Variants in TMEM132D observed in about 807,000 individuals in gnomAD.
TMEM132D encodes the protein transmembrane protein 132D, also known as mature OL transmembrane protein.
TMEM132D carries 21 observed loss-of-function variants against 62.3 expected under a neutral mutation model. The observed-to-expected ratio is 0.34, with a 90% CI of 0.24 to 0.49. The LOEUF (loss-of-function observed/expected upper bound fraction) is 0.49, where lower values mean the gene tolerates loss of function less well. TMEM132D is among the 20% of genes least tolerant of loss of function. The pLI is 0.99. For synonymous variants in TMEM132D, 621 were observed against 575.6 expected, an observed-to-expected ratio of 1.08 and a Z score of -1.13; for missense variants, 1,346 against 1,402.8, an observed-to-expected ratio of 0.96 and a Z score of 0.65.
intron 2 of TMEM132D, among the ~76,000 whole-genome samples, chr12:129,653,985 C>A (rs1241153982): frequency 6.6e-6 from 1 of 152,132 alleles, no homozygotes; most frequent in Non-Finnish European, 1.5e-5. Context: ...GTTGTGACTG[C>A]TTCTTAGACC....
chr12:129,123,882 T>G (rs982943792), intron 5 of TMEM132D, among the ~76,000 whole-genome samples: 2 of 152,192 alleles, frequency 1.3e-5, no homozygotes, highest in Admixed American at 1.3e-4. Context: ...GGATTCAGAA[T>G]GCGAGTTACA....
chr12:129,795,319 G>A (rs1871531932), intron 1 of TMEM132D, among the ~76,000 whole-genome samples: 2 of 152,292 alleles, frequency 1.3e-5, no homozygotes, highest in Admixed American at 1.3e-4. Flanking sequence ...CCTGGCTATG[G>A]CTAAAAGCAG....
At chr12:129,531,395 A>T (rs559859663) in intron 2 of TMEM132D, among the ~76,000 whole-genome samples, 190 bp from the exon 3 acceptor site, 2 of 152,266 alleles carry the variant, frequency 1.3e-5, no homozygotes, top group Non-Finnish European at 2.9e-5. Flanking sequence ...CGTTTTTCCT[A>T]CCTTTACTAA....
intron 2 of TMEM132D, among the ~76,000 whole-genome samples, chr12:129,654,255 TTCTCTCTCTC>T (rs368963587): frequency 6.8e-6 from 1 of 147,476 alleles, no homozygotes; most frequent in African/African-American, 2.5e-5. Flanking sequence ...GTCTCTCTCT[TTCTCTCTCTC>T]TCTCTCACTC....
At chr12:129,586,242 C>T (rs1441741864) in intron 2 of TMEM132D, among the ~76,000 whole-genome samples, 1 of 150,810 alleles carries the variant, frequency 6.6e-6, no homozygotes, top group African/African-American at 2.5e-5. Context: ...CTCCTCCAGC[C>T]TTAGACCTTA....
intron 1 of TMEM132D, among the ~76,000 whole-genome samples, chr12:129,797,399 A>G (rs1565988796): frequency 6.6e-6 from 1 of 152,190 alleles, no homozygotes; most frequent in Non-Finnish European, 1.5e-5. Flanking sequence ...TGTAACGTTC[A>G]TATTCCCTGC....
At chr12:129,829,482 T>C (rs73160250) in intron 1 of TMEM132D, among the ~76,000 whole-genome samples, 17,069 of 152,108 alleles carry the variant, frequency 0.11, 1,038 homozygotes, top group South Asian at 0.24. Flanking sequence ...AATGCTCCCC[T>C]AAGGAATGAG....
At chr12:129,405,334 C>T (rs1871749526) in intron 3 of TMEM132D, among the ~76,000 whole-genome samples, 1 of 152,166 alleles carries the variant, frequency 6.6e-6, no homozygotes, top group African/African-American at 2.4e-5. Context: ...GGGCTCTACC[C>T]TCATGACCTT....
At chr12:129,342,291 T>C (rs1268241924) in intron 3 of TMEM132D, among the ~76,000 whole-genome samples, 2 of 152,106 alleles carry the variant, frequency 1.3e-5, no homozygotes, top group African/African-American at 2.4e-5. Context: ...AACTATCTGA[T>C]CTTTGAGAAC....
chr12:129,700,160 G>C lies in TMEM132D; in HGVS notation c.618C>G (p.Pro206=), dbSNP rs372463803. The C allele has an allele frequency of 3.4e-4, 548 of 1,612,814 alleles. No individual in the cohort carries two copies. Among genetic ancestry groups the C allele is most frequent in the Middle Eastern group, 4.9e-4 (3 of 6,082 alleles). The change falls in exon 2 of 9, where the codon CCC becomes CCG. Residue 206 remains proline, a synonymous_variant. Transcript: ENST00000422113. The part of the protein sequence containing the change: ...LELLSSWFSP[P]TVVAGRRKSV... ...ACTTCCTCCTCCCGGCAACCACCGT[G>C]GGGGGGCTGAACCAGCTGGACAGGA...
At position 129,754,254 on chromosome 12, in the gene TMEM132D, C is replaced by T. The variant is rs541342219; in HGVS notation, c.80-53556G>A. ...CAGAATCCCTATCAGATATCCAGGTCCAAAGCAGAAAGAATATATGCCATA... is the reference window on the plus strand; with the variant it reads ...CAGAATCCCTATCAGATATCCAGGTTCAAAGCAGAAAGAATATATGCCATA... On this transcript the variant is annotated intron_variant, in intron 1 of 8. Coordinates refer to ENST00000422113, the MANE Select transcript of TMEM132D (RefSeq NM_133448.3). Among the ~76,000 whole-genome samples, 73 of 152,234 alleles carry T rather than the reference C, an allele frequency of 4.8e-4. 2 individuals carry two copies. In the South Asian group the frequency reaches 5.4e-3, roughly 11 times the overall value.
chr12:129,149,802 G>A (rs778613090), intron 5 of TMEM132D, among the ~76,000 whole-genome samples: 2 of 152,186 alleles, frequency 1.3e-5, no homozygotes, highest in Non-Finnish European at 2.9e-5. Context: ...TCATTCTGGT[G>A]TCTGGCTATG....
At chr12:129,320,433 C>T (rs1868661548) in intron 4 of TMEM132D, among the ~76,000 whole-genome samples, 1 of 152,180 alleles carries the variant, frequency 6.6e-6, no homozygotes. Context: ...GTGCAGGAGA[C>T]TACTGTGAAT....
In TMEM132D at chr12:129,399,803, G is replaced by C. The variant is rs186850032; in HGVS notation, c.1116-61986C>G. Among the ~76,000 whole-genome samples the C allele has an allele frequency of 1.1e-4, 16 of 152,150 alleles. No homozygotes were observed. The East Asian group carries it at 2.9e-3, about 28-fold the overall frequency. Reference sequence around the variant, plus strand: ...TAACATATATTGCAAAGCCATAATAGGTAAAACTGTGTGGCTCAAAGGAAC... The same window carrying C: ...TAACATATATTGCAAAGCCATAATACGTAAAACTGTGTGGCTCAAAGGAAC... On this transcript the variant is annotated intron_variant, in intron 3 of 8. Transcript: ENST00000422113.
chr12:129,773,469 A>G (rs1053112688), intron 1 of TMEM132D, among the ~76,000 whole-genome samples: 10 of 152,134 alleles, frequency 6.6e-5, no homozygotes, highest in African/African-American at 2.4e-4. Context: ...AGGGCTGGGA[A>G]TGAGAAAGGT....
intron 2 of TMEM132D, among the ~76,000 whole-genome samples, chr12:129,594,749 A>G (rs916196461): frequency 1.3e-5 from 2 of 152,182 alleles, no homozygotes; most frequent in Admixed American, 1.3e-4. Context: ...TCCCGGTAGC[A>G]GGAGTGTTGC....
intron 4 of TMEM132D, among the ~76,000 whole-genome samples, chr12:129,296,340 G>A (rs1881575756): frequency 6.6e-6 from 1 of 152,152 alleles, no homozygotes; most frequent in Admixed American, 6.5e-5. Context: ...TTTGCAAAAG[G>A]CAAAATGGAA....
intron 3 of TMEM132D, among the ~76,000 whole-genome samples, chr12:129,486,062 G>A (rs1328276157): frequency 3.3e-5 from 5 of 152,152 alleles, no homozygotes; most frequent in Non-Finnish European, 7.3e-5. Flanking sequence ...TTTACTGCCA[G>A]AACAGAAGGT....
rs1874808519 is a variant in TMEM132D, at chr12:129,089,321, GGTGTCCTCCCT to G, written c.1444-4630_1444-4620del. On this transcript the variant is annotated intron_variant, in intron 5 of 8. Transcript: ENST00000422113. ...TATGACCGGGTGTCCTCCATGACCG[GGTGTCCTCCCT>G]GACCGGGATGTCCTCCATGACCGGG... is the stretch of plus-strand genomic sequence containing the variant. 9.1e-5 allele frequency among the ~76,000 whole-genome samples: 5 copies of G among 54,792 alleles called. 2 individuals are homozygous for G. The highest frequency in any genetic ancestry group is 1.5e-4 in the Non-Finnish European group (5 of 32,664). 35.9% of individuals were successfully genotyped at this position (54,792 alleles called of 152,430 possible). A position where few individuals can be genotyped will look rare whatever the true frequency, so the allele number is the denominator to read the frequency against.
Sources: gnomAD v4.1 joint callset for allele counts (sites outside exome capture counted in the v4.1 genomes callset) on GRCh38, gnomAD v4.1.1 for gene constraint, MANE v1.5 for transcripts, NCBI Gene and HGNC (gene_info 2026-07-23, HGNC 2026-07-21) for gene names.